AXDND1: variants seen among roughly 807,000 people sequenced by gnomAD.
AXDND1 encodes axonemal dynein light chain domain containing 1.
In AXDND1, 110 loss-of-function variants were observed where a neutral mutation model predicts 137.5. That is an observed-to-expected ratio of 0.80 (90% CI 0.69 to 0.94). AXDND1 has a LOEUF of 0.94. AXDND1 is among the 40% of genes least tolerant of loss of function. The pLI, the probability that AXDND1 is intolerant of heterozygous loss-of-function variation, is 0.00. For missense variants in AXDND1, 1,191 were observed against 1,169.8 expected, an observed-to-expected ratio of 1.02 and a Z score of -0.26; for synonymous variants, 414 against 399.7, an observed-to-expected ratio of 1.04 and a Z score of -0.43.
intron 23 of AXDND1, among the ~76,000 whole-genome samples, chr1:179,530,035 T>C (rs541871694): frequency 6.6e-6 from 1 of 152,086 alleles, no homozygotes; most frequent in African/African-American, 2.4e-5. Flanking sequence ...TGTCGTGAGA[T>C]TTATTTATTT....
At chr1:179,498,620 A>G (rs1667692318) in intron 20 of AXDND1, among the ~76,000 whole-genome samples, 1 of 152,102 alleles carries the variant, frequency 6.6e-6, no homozygotes, top group South Asian at 2.1e-4. Flanking sequence ...CAGAAAGGAA[A>G]CTGTCATTGG....
chr1:179,451,152 T>C (rs1305351350), intron 16 of AXDND1: 1 of 152,198 alleles, frequency 6.6e-6, no homozygotes, highest in Non-Finnish European at 1.5e-5. Context: ...GAAGAGTTTG[T>C]AAAGAACTGG....
intron 12 of AXDND1, among the ~76,000 whole-genome samples, chr1:179,428,881 A>C (rs1202740807): frequency 6.6e-6 from 1 of 152,204 alleles, no homozygotes; most frequent in African/African-American, 2.4e-5. Context: ...ACACGTGTTA[A>C]ATCTAGTTTA....
At chr1:179,500,841 T>G (rs142307981) in intron 20 of AXDND1, among the ~76,000 whole-genome samples, 2 of 152,242 alleles carry the variant, frequency 1.3e-5, no homozygotes, top group East Asian at 3.9e-4. Flanking sequence ...CTGGCTAATT[T>G]TTGTATTTTT....
intron 11 of AXDND1, among the ~76,000 whole-genome samples, chr1:179,403,116 ACAGT>A (rs1435788629): frequency 2.0e-5 from 3 of 152,220 alleles, no homozygotes; most frequent in Non-Finnish European, 4.4e-5. Context: ...TTACTGATAA[ACAGT>A]CAATTAACAC....
chr1:179,375,432 GT>G (rs1668493297), intron 4 of AXDND1, among the ~76,000 whole-genome samples: 1 of 151,448 alleles, frequency 6.6e-6, no homozygotes, highest in Admixed American at 6.6e-5. Flanking sequence ...ATATGTTTGT[GT>G]ATATGTGCAT....
At chr1:179,533,998 G>A (rs1671278196) in intron 24 of AXDND1, 121 bp downstream of exon 24, 2 of 724,912 alleles carry the variant, frequency 2.8e-6, no homozygotes, top group African/African-American at 1.7e-5. Context: ...ACATTAGGGG[G>A]ATGTGTATCT....
At chr1:179,372,975 G>A (rs1335894573) in intron 4 of AXDND1, among the ~76,000 whole-genome samples, 3 of 152,044 alleles carry the variant, frequency 2.0e-5, no homozygotes, top group African/African-American at 4.8e-5. Flanking sequence ...GAGCTACCAC[G>A]CCTGGCCCTC....
chr1:179,383,135 A>G (rs1648647511), intron 7 of AXDND1, among the ~76,000 whole-genome samples: 1 of 151,372 alleles, frequency 6.6e-6, no homozygotes, highest in Non-Finnish European at 1.5e-5. Flanking sequence ...TTTGATGTTT[A>G]TCTCCCTACA....
At chr1:179,450,567 T>G (rs1359370759) in intron 16 of AXDND1, 1 of 152,182 alleles carries the variant, frequency 6.6e-6, no homozygotes, top group African/African-American at 2.4e-5. Flanking sequence ...AAATGCTTTC[T>G]CTGTATTCAT....
chr1:179,532,651 G>A (rs1327292069), intron 23 of AXDND1, among the ~76,000 whole-genome samples: 1 of 152,160 alleles, frequency 6.6e-6, no homozygotes, highest in Non-Finnish European at 1.5e-5. Flanking sequence ...GGGAGGCTGA[G>A]GCAGGAGGAT....
In AXDND1 at chr1:179,368,965, C is replaced by T; in HGVS notation, c.263C>T (p.Thr88Ile). ...TTACTACCTCCTAAGAAAATTAAAA[C>T]CCCAAAGGTTTGTATGTACATATGT... ...ENLLPPKKIK[T>I]PKGTLPRLVD... is the part of the protein sequence containing the mutation. Residue 88 changes from threonine to isoleucine, a missense_variant, in exon 3 of 26, where the codon ACC becomes ATC. Physicochemically the swap from Thr to Ile is moderately conservative, Grantham distance 89. Coordinates refer to ENST00000367618, the MANE Select transcript of AXDND1 (RefSeq NM_144696.6). 1 of 1,610,552 alleles carries T rather than the reference C, an allele frequency of 6.2e-7. No homozygotes were observed. Among genetic ancestry groups the T allele is most frequent in the Non-Finnish European group, 8.5e-7 (1 of 1,177,884 alleles).
At position 179,445,061 on chromosome 1, in the gene AXDND1, G is replaced by T; in HGVS notation, c.1655G>T (p.Trp552Leu). ...ATTATTAAACATTTACAGGAAAACT[G>T]GGCAGATATTGGGCTTGGGATATTT... is the stretch of plus-strand genomic sequence containing the variant. Reference protein sequence around the residue: ...LKIIKHLQENWADIGLGIFNR... With the variant: ...LKIIKHLQENLADIGLGIFNR... Residue 552 changes from tryptophan to leucine, a missense_variant, in exon 16 of 26, where the codon TGG (tryptophan) becomes TTG (leucine). Trp to Leu is a moderately conservative substitution (Grantham distance 61). Transcript: ENST00000367618. The T allele has an allele frequency of 6.2e-7, 1 of 1,613,440 alleles. No individual in the cohort carries two copies. Among genetic ancestry groups the T allele is most frequent in the Middle Eastern group, 1.7e-4 (1 of 6,058 alleles).
chr1:179,488,051 G>GTT (rs68123025), intron 18 of AXDND1, among the ~76,000 whole-genome samples: 1,629 of 138,244 alleles, frequency 0.012, 115 homozygotes, highest in South Asian at 0.02. Context: ...TTATGCAAAG[G>GTT]TTTTTTTTAA....
At chr1:179,486,318 T>C (rs1666076543) in intron 18 of AXDND1, among the ~76,000 whole-genome samples, 1 of 151,914 alleles carries the variant, frequency 6.6e-6, no homozygotes, top group South Asian at 2.1e-4. Context: ...CTCTGAGAAA[T>C]ATGAAATTAT....
At chr1:179,432,744 A>G (rs965808758) in intron 15 of AXDND1, among the ~76,000 whole-genome samples, 6 of 152,122 alleles carry the variant, frequency 3.9e-5, no homozygotes, top group Non-Finnish European at 8.8e-5. Context: ...TTCTTTAAAA[A>G]TGCCATATTA....
chr1:179,534,763 G>A lies in AXDND1; in HGVS notation c.2832G>A (p.Glu944=). ...EVENRARQAE[E]KFEDAYEKLH... ...AAAATAGAGCCAGACAGGCAGAGGA[G>A]AAGTTTGAAGATGCATATGAGAAAC... Residue 944 remains glutamate (E), a synonymous_variant, in exon 25 of 26, where the codon GAG becomes GAA. Transcript: ENST00000367618. The A allele has an allele frequency of 2.5e-6, 4 of 1,594,896 alleles. No homozygotes were observed. The highest frequency in any genetic ancestry group is 2.6e-6 in the Non-Finnish European group (3 of 1,175,592).
chr1:179,511,515 A>G (rs185581170), intron 21 of AXDND1, among the ~76,000 whole-genome samples: 8 of 152,044 alleles, frequency 5.3e-5, no homozygotes, highest in Non-Finnish European at 7.4e-5. Context: ...TTGTGCTGCT[A>G]TAAACATGCG....
In AXDND1 at chr1:179,385,237, G is replaced by T; in HGVS notation, c.742-1G>T. 6.2e-7 allele frequency: 1 copy of T among 1,608,234 alleles called. No individual in the cohort carries two copies. ...TGATTATGTTACTTACCTTCTGACA[G>T]ATGCACAAACTACTACATATATTGA... On this transcript the variant is annotated splice_acceptor_variant, in intron 8 of 25. Coordinates refer to ENST00000367618, the MANE Select transcript of AXDND1 (RefSeq NM_144696.6). LOFTEE classifies it high-confidence loss of function.
Sources: gnomAD v4.1 joint callset for allele counts (sites outside exome capture counted in the v4.1 genomes callset) on GRCh38, gnomAD v4.1.1 for gene constraint, MANE v1.5 for transcripts, NCBI Gene and HGNC (gene_info 2026-07-23, HGNC 2026-07-21) for gene names.